HLCS: variants seen among roughly 807,000 people sequenced by gnomAD.
HLCS encodes biotin--protein ligase.
A neutral mutation model predicts 75.0 loss-of-function variants in HLCS; 53 were observed. The ratio of observed to expected loss-of-function variants is 0.71; its 90% CI spans 0.57 to 0.89. HLCS has a LOEUF of 0.89. HLCS is among the 40% of genes least tolerant of loss of function. The pLI is 0.00. For missense variants in HLCS, 966 were observed against 1,074.0 expected (o/e 0.90, Z 1.41); for synonymous variants, 431 against 428.6 (o/e 1.01, Z -0.07).
upstream of HLCS, among the ~76,000 whole-genome samples, chr21:36,969,814 C>T (rs750969165): frequency 4.5e-4 from 68 of 152,226 alleles, no homozygotes; most frequent in Non-Finnish European, 7.9e-4. Flanking sequence ...CTCAGGTGAT[C>T]GTCCCACCTC....
chr21:36,761,841 C>T (rs1010296592), intron 8 of HLCS, among the ~76,000 whole-genome samples: 8 of 152,308 alleles, frequency 5.3e-5, no homozygotes, highest in Admixed American at 2.0e-4. Flanking sequence ...GCCCCTGCCT[C>T]GCCGGCGGGA....
At chr21:36,963,339 C>A (rs1313429068) in intron 1 of HLCS, among the ~76,000 whole-genome samples, 2 of 152,200 alleles carry the variant, frequency 1.3e-5, no homozygotes, top group African/African-American at 4.8e-5. Context: ...ACTAGGCAGG[C>A]TCCACTGTGC....
At chr21:36,950,737 C>T (rs2067633203) in intron 2 of HLCS, among the ~76,000 whole-genome samples, 1 of 152,072 alleles carries the variant, frequency 6.6e-6, no homozygotes, top group Admixed American at 6.6e-5. Flanking sequence ...AAGACACAAA[C>T]TATGCCACTT....
intron 2 of HLCS, among the ~76,000 whole-genome samples, chr21:36,945,844 C>A (rs909831673): frequency 2.1e-4 from 32 of 152,118 alleles, no homozygotes; most frequent in Non-Finnish European, 5.9e-5. Flanking sequence ...AGAAAAGAGT[C>A]CAGGCAGTTT....
chr21:36,941,949 G>A (rs938250859), intron 2 of HLCS, among the ~76,000 whole-genome samples: 1 of 152,122 alleles, frequency 6.6e-6, no homozygotes, highest in Non-Finnish European at 1.5e-5. Context: ...AGAGGTTGCA[G>A]TGAGCCGAGA....
At chr21:36,835,070 C>A (rs564605544) in intron 6 of HLCS, among the ~76,000 whole-genome samples, 1 of 152,264 alleles carries the variant, frequency 6.6e-6, no homozygotes, top group South Asian at 2.1e-4. Context: ...CACCCATTCC[C>A]CAATGTCCTG....
intron 9 of HLCS, among the ~76,000 whole-genome samples, chr21:36,757,728 A>T (rs1255329373): frequency 1.3e-5 from 2 of 152,250 alleles, no homozygotes. Flanking sequence ...CTATTAAAAT[A>T]CAAAGCAATT....
intron 1 of HLCS, among the ~76,000 whole-genome samples, chr21:36,983,231 G>A (rs1340456999): frequency 1.3e-5 from 2 of 150,950 alleles, no homozygotes; most frequent in East Asian, 4.0e-4. Flanking sequence ...TATTTAATGA[G>A]ACAGAGTCTC....
intron 5 of HLCS, among the ~76,000 whole-genome samples, chr21:36,914,009 G>C (rs1434050288): frequency 6.6e-6 from 1 of 152,210 alleles, no homozygotes; most frequent in Admixed American, 6.5e-5. Context: ...CAAAGCACTT[G>C]GAACCAGCAA....
intron 6 of HLCS, among the ~76,000 whole-genome samples, chr21:36,844,116 C>A (rs2062713229): frequency 1.3e-5 from 2 of 152,152 alleles, no homozygotes; most frequent in South Asian, 4.1e-4. Context: ...GTCAATAATG[C>A]TCCCTCTCTC....
chr21:36,759,051 C>T (rs144133031), intron 9 of HLCS: 12 of 468,776 alleles, frequency 2.6e-5, no homozygotes, highest in African/African-American at 4.0e-5. Flanking sequence ...TAATATTGCC[C>T]CTTGGTGGCA....
intron 5 of HLCS, among the ~76,000 whole-genome samples, chr21:36,924,044 C>A (rs964732079): frequency 2.0e-5 from 3 of 152,192 alleles, no homozygotes; most frequent in Non-Finnish European, 4.4e-5. Context: ...AAAAGCTATT[C>A]AAGGTGCACC....
chr21:36,798,891 T>C (rs2061111602), intron 6 of HLCS, among the ~76,000 whole-genome samples: 2 of 152,222 alleles, frequency 1.3e-5, no homozygotes, highest in South Asian at 4.1e-4. Context: ...TGTCTTAATA[T>C]TGAGTCGTAA....
chr21:36,888,441 AAAAAATATATATATATATATATATAT>A (rs1379038281), intron 6 of HLCS, among the ~76,000 whole-genome samples: 12 of 31,530 alleles, frequency 3.8e-4, no homozygotes, highest in African/African-American at 9.3e-4. Context: ...TTAAAAAAAA[AAAAAATATATATATATATATATATAT>A]ATATATATAT....
At chr21:36,757,959 A>G (rs764632190) in intron 9 of HLCS, among the ~76,000 whole-genome samples, 9 of 152,302 alleles carry the variant, frequency 5.9e-5, no homozygotes, top group Non-Finnish European at 1.3e-4. Context: ...CACTTAGGCT[A>G]TGTCCTTCTA....
upstream of HLCS, among the ~76,000 whole-genome samples, chr21:36,970,361 G>C (rs187400732): frequency 7.4e-4 from 112 of 152,108 alleles, no homozygotes; most frequent in Non-Finnish European, 1.0e-3. Flanking sequence ...GTTTCCCAAA[G>C]TGTTGGGATT....
intron 6 of HLCS, among the ~76,000 whole-genome samples, chr21:36,770,135 T>C (rs1381987403): frequency 6.7e-6 from 1 of 148,588 alleles, no homozygotes; most frequent in Non-Finnish European, 1.5e-5. Context: ...TACAAAACTA[T>C]AGATGCTTTT....
At chr21:36,890,121 C>A (rs2064713295) in intron 6 of HLCS, among the ~76,000 whole-genome samples, 1 of 152,128 alleles carries the variant, frequency 6.6e-6, no homozygotes, top group African/African-American at 2.4e-5. Context: ...GCCTTGCTTC[C>A]CTTCACCTTC....
chr21:36,760,397 T>G (rs944254119), intron 8 of HLCS, among the ~76,000 whole-genome samples: 1 of 151,778 alleles, frequency 6.6e-6, no homozygotes, highest in East Asian at 1.9e-4. Context: ...GATCACAAGG[T>G]CAGGAGTTCG....
Sources: gnomAD v4.1 joint callset for allele counts (sites outside exome capture counted in the v4.1 genomes callset) on GRCh38, gnomAD v4.1.1 for gene constraint, MANE v1.5 for transcripts, NCBI Gene and HGNC (gene_info 2026-07-23, HGNC 2026-07-21) for gene names.